The following PALLD variants were observed in gnomAD, a reference collection of about 807,000 sequenced individuals.
The protein encoded by PALLD is palladin, cytoskeletal associated protein.
A neutral mutation model predicts 123.5 loss-of-function variants in PALLD; 61 were observed. The ratio of observed to expected loss-of-function variants is 0.49; its 90% CI spans 0.40 to 0.61. The LOEUF (loss-of-function observed/expected upper bound fraction) is 0.61, where lower values mean the gene tolerates loss of function less well. Among genes scored for constraint, PALLD ranks in the 20% least tolerant of loss-of-function variants. PALLD has a pLI of 0.00. For missense variants in PALLD, 1,273 were observed against 1,377.0 expected, an observed-to-expected ratio of 0.92 and a Z score of 1.20; for synonymous variants, 465 against 496.4, an observed-to-expected ratio of 0.94 and a Z score of 0.84.
At chr4:168,811,768 TCTCTCTCTCA>T (rs1222374641) in intron 10 of PALLD, among the ~76,000 whole-genome samples, 27 of 109,846 alleles carry the variant, frequency 2.5e-4, no homozygotes, top group Non-Finnish European at 4.0e-4. Context: ...TCTCTCTCTC[TCTCTCTCTCA>T]CACACACACA....
intron 2 of PALLD, among the ~76,000 whole-genome samples, chr4:168,531,463 TCCGGCACTCCAGA>T (rs1253435233): frequency 6.6e-6 from 1 of 152,194 alleles, no homozygotes; most frequent in Non-Finnish European, 1.5e-5. Flanking sequence ...CCACTCAGTG[TCCGGCACTCCAGA>T]CCAGAACAAA....
At position 168,631,908 on chromosome 4, in the gene PALLD, G is replaced by A. The variant is rs1775853869; in HGVS notation, c.909-36282G>A. ...GCGTTTTGCGCCCAACTGGTAAGTG[G>A]CAGCATTAAATCTATGCAGACATGG... On this transcript the variant is annotated intron_variant, in intron 2 of 21. Coordinates refer to ENST00000505667, the MANE Select transcript of PALLD (RefSeq NM_001166108.2). The A allele has an allele frequency of 4.1e-6, 4 of 985,284 alleles. No homozygotes were observed. In the South Asian group the frequency reaches 1.4e-4, roughly 35 times the overall value. The allele number at this position is 985,284 out of a possible 1,614,324, so 61.0% of individuals were successfully genotyped here.
intron 10 of PALLD, among the ~76,000 whole-genome samples, chr4:168,823,842 A>G (rs1411554077): frequency 2.6e-5 from 4 of 152,250 alleles, no homozygotes; most frequent in Non-Finnish European, 1.5e-5. Context: ...CCATGATGCT[A>G]AAAGACTGTG....
At chr4:168,641,140 G>A (rs1183236212) in intron 2 of PALLD, among the ~76,000 whole-genome samples, 1 of 151,700 alleles carries the variant, frequency 6.6e-6, no homozygotes, top group Admixed American at 6.6e-5. Context: ...CCTGGGAGGC[G>A]GAGCTTGTAA....
Position 168,703,541 on chromosome 4 carries a change from C to T in PALLD, c.1502-5487C>T, listed in dbSNP as rs1272787936. On this transcript the variant is annotated intron_variant, in intron 8 of 21. Coordinates refer to ENST00000505667, the MANE Select transcript of PALLD (RefSeq NM_001166108.2). The stretch of plus-strand genomic sequence containing the variant: ...GTCCCACCAACAGTGTAAAAGTGTT[C>T]CTATTTCTCCACATCCTCTCCAGCA... 1.3e-3 allele frequency among the ~76,000 whole-genome samples: 166 copies of T among 125,116 alleles called. 3 individuals are homozygous for T. Among genetic ancestry groups the T allele is most frequent in the Middle Eastern group, 3.7e-3 (1 of 270 alleles). 82.1% of individuals were successfully genotyped at this position (125,116 alleles called of 152,430 possible). A position where few individuals can be genotyped will look rare whatever the true frequency, so the allele number is the denominator to read the frequency against.
At chr4:168,543,808 T>C (rs146386984) in intron 2 of PALLD, among the ~76,000 whole-genome samples, 156 of 152,266 alleles carry the variant, frequency 1.0e-3, no homozygotes, top group African/African-American at 3.6e-3. Context: ...GCTAAAGTCT[T>C]ACAAAATTTT....
At chr4:168,806,700 T>C (rs1740251253) in intron 10 of PALLD, among the ~76,000 whole-genome samples, 1 of 152,212 alleles carries the variant, frequency 6.6e-6, no homozygotes, top group Admixed American at 6.5e-5. Context: ...TGAGTAAAAA[T>C]GTAACGTAGA....
intron 2 of PALLD, among the ~76,000 whole-genome samples, chr4:168,533,894 T>C (rs143601608): frequency 9.6e-4 from 146 of 152,300 alleles, no homozygotes; most frequent in Admixed American, 2.5e-3. Context: ...ATTTGCCACA[T>C]TGACGAAGAC....
chr4:168,912,189 A>C (rs1382061909), intron 15 of PALLD, among the ~76,000 whole-genome samples: 1 of 152,210 alleles, frequency 6.6e-6, no homozygotes, highest in Non-Finnish European at 1.5e-5. Context: ...AGAACACTGC[A>C]GCTTCTGTTA....
At chr4:168,896,793 T>C (rs1378272515) in intron 13 of PALLD, among the ~76,000 whole-genome samples, 194 bp downstream of exon 13, 2 of 152,146 alleles carry the variant, frequency 1.3e-5, no homozygotes, top group African/African-American at 4.8e-5. Flanking sequence ...ATTTACCAGC[T>C]TGAATTTATT....
At chr4:168,902,269 CAG>C (rs1756681234) in intron 14 of PALLD, among the ~76,000 whole-genome samples, 1 of 151,998 alleles carries the variant, frequency 6.6e-6, no homozygotes. Context: ...TGTTAGGAAT[CAG>C]GAATACTTTT....
chr4:168,679,516 G>A (rs1449943625), intron 3 of PALLD, among the ~76,000 whole-genome samples: 1 of 147,456 alleles, frequency 6.8e-6, no homozygotes, highest in Non-Finnish European at 1.5e-5. Context: ...TGTGTGTGGT[G>A]GGGTATGTAT....
chr4:168,567,970 A>T (rs533227025), intron 2 of PALLD, among the ~76,000 whole-genome samples: 2 of 152,222 alleles, frequency 1.3e-5, no homozygotes, highest in South Asian at 2.1e-4. Flanking sequence ...AAGTGATTTT[A>T]AAAAATCAAA....
At chr4:168,761,507 C>T (rs920147832) in intron 10 of PALLD, among the ~76,000 whole-genome samples, 1 of 152,102 alleles carries the variant, frequency 6.6e-6, no homozygotes, top group African/African-American at 2.4e-5. Context: ...GTCACCCAGG[C>T]TGGAGTGCCA....
chr4:168,841,010 C>G (rs1270953740), intron 10 of PALLD, among the ~76,000 whole-genome samples: 2 of 152,064 alleles, frequency 1.3e-5, no homozygotes, highest in African/African-American at 4.8e-5. Flanking sequence ...GCCACCACGC[C>G]TGGCTACTTT....
At chr4:168,596,996 GA>G (rs917228904) in intron 2 of PALLD, among the ~76,000 whole-genome samples, 180 of 151,548 alleles carry the variant, frequency 1.2e-3, no homozygotes, top group African/African-American at 4.1e-3. Context: ...TTTTTAATGG[GA>G]AAAAAAATTA....
intron 10 of PALLD, among the ~76,000 whole-genome samples, chr4:168,799,499 G>T (rs1739004047): frequency 6.6e-6 from 1 of 152,142 alleles, no homozygotes; most frequent in Non-Finnish European, 1.5e-5. Flanking sequence ...CTTATCAATT[G>T]TGCTACCTTT....
intron 2 of PALLD, among the ~76,000 whole-genome samples, chr4:168,545,643 T>C (rs188556148): frequency 4.6e-5 from 7 of 152,372 alleles, no homozygotes; most frequent in Middle Eastern, 3.4e-3. Context: ...CTGAGCCTTC[T>C]GTCTATCCTC....
At chr4:168,832,583 G>A (rs1285310813) in intron 10 of PALLD, among the ~76,000 whole-genome samples, 2 of 152,152 alleles carry the variant, frequency 1.3e-5, no homozygotes, top group Non-Finnish European at 2.9e-5. Flanking sequence ...GAGAAAGCGG[G>A]GCTGGCAGAG....
Sources: allele counts gnomAD v4.1 joint callset (sites outside exome capture counted in the v4.1 genomes callset), GRCh38; gene constraint gnomAD v4.1.1; transcripts MANE v1.5; gene names NCBI Gene and HGNC (gene_info 2026-07-23, HGNC 2026-07-21).